The following GABRA3 variants were observed in gnomAD, a reference collection of about 807,000 sequenced individuals.
GABRA3 encodes the protein gamma-aminobutyric acid type A receptor subunit alpha3.
Under a neutral mutation model 30.1 loss-of-function variants are expected in GABRA3, and 10 were observed. The observed-to-expected ratio is 0.33, with a 90% CI of 0.20 to 0.56. GABRA3 has a LOEUF of 0.56. Ranked by LOEUF, GABRA3 falls within the 20% of genes least tolerant of loss-of-function variation. GABRA3 has a pLI of 0.89. For missense variants in GABRA3, 233 were observed against 392.0 expected, an observed-to-expected ratio of 0.59 and a Z score of 3.42; for synonymous variants, 151 against 146.8, an observed-to-expected ratio of 1.03 and a Z score of -0.21.
chrX:152,415,558 A>G (rs1229994714), intron 1 of GABRA3, among the ~76,000 whole-genome samples: 5 of 110,905 alleles, frequency 4.5e-5, no homozygotes, highest in African/African-American at 1.6e-4. Context: ...ACATAAATCT[A>G]TACATGGGAT....
At chrX:152,394,486 A>C (rs1410074424) in intron 1 of GABRA3, 1 of 387,408 alleles carries the variant, frequency 2.6e-6, no homozygotes, top group Admixed American at 2.5e-5. Flanking sequence ...TTTGACCACG[A>C]TGCACACACA....
At chrX:152,386,921 G>A (rs1329688685) in intron 1 of GABRA3, among the ~76,000 whole-genome samples, 1 of 106,081 alleles carries the variant, frequency 9.4e-6, no homozygotes, top group Non-Finnish European at 1.9e-5. Context: ...TGATAGACTG[G>A]ATTAAGAAAA....
chrX:152,237,809 A>G (rs1938258460), intron 5 of GABRA3, among the ~76,000 whole-genome samples: 1 of 107,306 alleles, frequency 9.3e-6, no homozygotes, highest in Non-Finnish European at 1.9e-5. Flanking sequence ...TTGTTGGTGT[A>G]TAAGAATGCT....
intron 6 of GABRA3, among the ~76,000 whole-genome samples, chrX:152,224,051 G>A (rs939322580): frequency 3.6e-5 from 4 of 111,031 alleles, no homozygotes; most frequent in African/African-American, 9.8e-5. Context: ...TTAATTATTT[G>A]GGTCTTTTCA....
intron 7 of GABRA3, among the ~76,000 whole-genome samples, chrX:152,200,531 TTCTG>T (rs1425472154): frequency 9.0e-6 from 1 of 111,359 alleles, no homozygotes; most frequent in Non-Finnish European, 1.9e-5. Context: ...TTGTTTTATC[TTCTG>T]TCTGTGTGCA....
At chrX:152,374,159 T>A (rs1395935817) in intron 1 of GABRA3, among the ~76,000 whole-genome samples, 1 of 110,352 alleles carries the variant, frequency 9.1e-6, no homozygotes, top group African/African-American at 3.3e-5. Context: ...GTTTTTTGCT[T>A]GTAAGTTTGT....
chrX:152,241,358 C>A (rs756819802), intron 5 of GABRA3, among the ~76,000 whole-genome samples: 7 of 94,841 alleles, frequency 7.4e-5, no homozygotes, highest in South Asian at 8.8e-4. Context: ...GGCAGTCTGC[C>A]GGTTCTCAGA....
At chrX:152,231,776 T>C (rs762171615) in intron 5 of GABRA3, among the ~76,000 whole-genome samples, 6 of 111,988 alleles carry the variant, frequency 5.4e-5, no homozygotes, top group Admixed American at 9.5e-5. Flanking sequence ...ATGTCCATTA[T>C]TGTGACTGGA....
rs6627569 is a variant in GABRA3 at position 152,286,395 on chromosome X, T to A, written c.263-1660A>T. ...TTCAGCCTACCAGACACCTCAAGAT[T>A]ACAGTAAACCAAACAAGTCTCACTC... On this transcript the variant is annotated intron_variant, in intron 3 of 9. Coordinates refer to ENST00000370314, the MANE Select transcript of GABRA3 (RefSeq NM_000808.4). Among the ~76,000 whole-genome samples the A allele has an allele frequency of 6.0e-4, 66 of 109,609 alleles. 4 individuals carry two copies. In the East Asian group the frequency reaches 8.5e-3, roughly 14 times the overall value.
At chrX:152,296,703 CTTT>C (rs1255241711) in intron 3 of GABRA3, among the ~76,000 whole-genome samples, 2 of 100,734 alleles carry the variant, frequency 2.0e-5, no homozygotes. Flanking sequence ...TTTTCTTTCT[CTTT>C]TTTTTTTTTT....
chrX:152,339,681 T>C (rs552017838), intron 3 of GABRA3, among the ~76,000 whole-genome samples: 10 of 111,827 alleles, frequency 8.9e-5, no homozygotes, highest in African/African-American at 3.2e-4. Flanking sequence ...GTTTCTGCTT[T>C]CTTTACTTAT....
intron 2 of GABRA3, 33 bp from the exon 3 acceptor site, chrX:152,345,735 T>C (rs1191367395): frequency 5.3e-6 from 6 of 1,128,432 alleles, no homozygotes; most frequent in Non-Finnish European, 7.1e-6. Context: ...AAAAAAATAA[T>C]AGTTCTTAAT....
chrX:152,320,129 T>G (rs980414225), intron 3 of GABRA3, among the ~76,000 whole-genome samples: 2 of 111,559 alleles, frequency 1.8e-5, no homozygotes, highest in Admixed American at 9.5e-5. Context: ...GGTGGGAATA[T>G]AAACTAGTAC....
intron 1 of GABRA3, among the ~76,000 whole-genome samples, chrX:152,393,784 G>A (rs1428656005): frequency 9.0e-6 from 1 of 111,527 alleles, no homozygotes; most frequent in Non-Finnish European, 1.9e-5. Flanking sequence ...CATAATATAG[G>A]AGCAGATGAA....
chrX:152,360,340 C>T (rs1331650437), intron 2 of GABRA3, among the ~76,000 whole-genome samples: 184 of 81,761 alleles, frequency 2.3e-3, no homozygotes, highest in Non-Finnish European at 3.6e-3. Context: ...TGTTTCCTGA[C>T]TTTTTAATGA....
At chrX:152,332,201 C>T (rs995222165) in intron 3 of GABRA3, among the ~76,000 whole-genome samples, 1 of 112,174 alleles carries the variant, frequency 8.9e-6, no homozygotes, top group Middle Eastern at 4.3e-3. Context: ...TTATCCAATA[C>T]TATAAACATT....
rs755386492 is a variant in GABRA3 at position 152,347,590 on chromosome X, A to G, written c.141-1888T>C. Among the ~76,000 whole-genome samples, 339 of 111,324 alleles carry G rather than the reference A, an allele frequency of 3.0e-3. 1 individual carries two copies. Among genetic ancestry groups the G allele is most frequent in the African/African-American group, 0.01 (317 of 30,660 alleles). On this transcript the variant is annotated intron_variant, in intron 2 of 9. Coordinates refer to ENST00000370314, the MANE Select transcript of GABRA3 (RefSeq NM_000808.4). Reference sequence around the variant, plus strand: ...TGTATCAAAACATCTCACGCACCCCATAAATATATATACCTATGATGTACC... The same window carrying G: ...TGTATCAAAACATCTCACGCACCCCGTAAATATATATACCTATGATGTACC...
chrX:152,197,183 C>T (rs1387462096), intron 8 of GABRA3, among the ~76,000 whole-genome samples: 1 of 111,511 alleles, frequency 9.0e-6, no homozygotes, highest in Admixed American at 9.5e-5. Context: ...CTGTGTGTGG[C>T]CTTTACACAA....
At chrX:152,274,508 A>G (rs1187785526) in intron 4 of GABRA3, among the ~76,000 whole-genome samples, 7 of 111,694 alleles carry the variant, frequency 6.3e-5, no homozygotes, top group Non-Finnish European at 1.1e-4. Flanking sequence ...TTAAGAATCA[A>G]TAACAAAAAG....
Sources: allele counts gnomAD v4.1 joint callset (sites outside exome capture counted in the v4.1 genomes callset), GRCh38; gene constraint gnomAD v4.1.1; transcripts MANE v1.5; gene names NCBI Gene and HGNC (gene_info 2026-07-23, HGNC 2026-07-21).